The following MYT1L variants were observed in gnomAD, a reference collection of about 807,000 sequenced individuals.
MYT1L encodes the protein myelin transcription factor 1-like protein.
Under a neutral mutation model 126.7 loss-of-function variants are expected in MYT1L, and 12 were observed. The ratio of observed to expected loss-of-function variants is 0.09; its 90% CI spans 0.06 to 0.15. The LOEUF is 0.15. MYT1L is among the 10% of genes least tolerant of loss of function. The probability of loss-of-function intolerance (pLI) is 1.00; values close to 1 mark genes in which losing one functional copy is unlikely to be tolerated. For synonymous variants in MYT1L, 541 were observed against 604.2 expected, an observed-to-expected ratio of 0.90 and a Z score of 1.53; for missense variants, 979 against 1,585.2, an observed-to-expected ratio of 0.62 and a Z score of 6.49.
Position 1,903,221 on chromosome 2 carries a change from G to A in MYT1L, c.1891C>T (p.Arg631Cys), listed in dbSNP as rs778495328. The A allele has an allele frequency of 1.2e-6, 2 of 1,613,982 alleles. No individual in the cohort carries two copies. Among genetic ancestry groups the A allele is most frequent in the East Asian group, 2.2e-5 (1 of 44,880 alleles). ...TCGAGCTCCTTGGCCAGGTTGGAACGCGGCGTAGTTGTGGGGACATTGTTT... is the reference window on the plus strand; with the variant it reads ...TCGAGCTCCTTGGCCAGGTTGGAACACGGCGTAGTTGTGGGGACATTGTTT... The part of the protein sequence containing the change: ...YRNNVPTTTP[R>C]SNLAKELEKY... The change falls in exon 14 of 25, where the codon CGT (arginine) becomes TGT (cysteine). Residue 631 changes from arginine to cysteine, a missense_variant. Physicochemically the swap from Arg to Cys is radical, Grantham distance 180 (BLOSUM62 -3). Transcript: ENST00000647738.
chr2:2,095,630 A>G (rs2077369222), intron 3 of MYT1L, among the ~76,000 whole-genome samples: 1 of 152,008 alleles, frequency 6.6e-6, no homozygotes, highest in Admixed American at 6.5e-5. Flanking sequence ...AGAGGAGAGC[A>G]GTCGTTTTCC....
intron 23 of MYT1L, among the ~76,000 whole-genome samples, chr2:1,796,925 C>T (rs1033438490): frequency 1.4e-4 from 22 of 152,276 alleles, no homozygotes; most frequent in Admixed American, 5.2e-4. Context: ...TCCTCCTCAG[C>T]GGCAGTTTTG....
At chr2:2,067,231 A>G (rs768442530) in intron 3 of MYT1L, among the ~76,000 whole-genome samples, 44 of 152,246 alleles carry the variant, frequency 2.9e-4, no homozygotes, top group Non-Finnish European at 5.7e-4. Flanking sequence ...CTTGGGATAC[A>G]GAAATTAATC....
chr2:1,938,527 A>G (rs1402161579), intron 9 of MYT1L, among the ~76,000 whole-genome samples: 2 of 152,236 alleles, frequency 1.3e-5, no homozygotes, highest in Non-Finnish European at 2.9e-5. Context: ...TTAATTAAAT[A>G]TGAACTTAAT....
chr2:2,098,594 A>G (rs74364430), intron 3 of MYT1L, among the ~76,000 whole-genome samples: 2,374 of 152,266 alleles, frequency 0.016, 58 homozygotes, highest in African/African-American at 0.054. Flanking sequence ...CAGCAGGTGG[A>G]GGCCAGGGGT....
At chr2:2,025,798 G>T (rs1452317967) in intron 4 of MYT1L, among the ~76,000 whole-genome samples, 1 of 152,084 alleles carries the variant, frequency 6.6e-6, no homozygotes, top group Non-Finnish European at 1.5e-5. Flanking sequence ...GTCACCCCCA[G>T]CTCCCAAACC....
chr2:2,049,750 A>G (rs1484047489), intron 4 of MYT1L, among the ~76,000 whole-genome samples: 1 of 152,128 alleles, frequency 6.6e-6, no homozygotes, highest in African/African-American at 2.4e-5. Flanking sequence ...TGATGGTTTT[A>G]TAAGAGGTTT....
chr2:1,885,638 C>G (rs1453583128), intron 18 of MYT1L: 3 of 152,464 alleles, frequency 2.0e-5, no homozygotes, highest in Non-Finnish European at 4.4e-5. Flanking sequence ...TTATCTTTGC[C>G]TGGATAACGC....
chr2:2,188,300 C>T (rs577673948), intron 2 of MYT1L, among the ~76,000 whole-genome samples: 1 of 152,236 alleles, frequency 6.6e-6, no homozygotes, highest in East Asian at 1.9e-4. Context: ...ATTCTAAAAA[C>T]GATTCTGCTA....
intron 2 of MYT1L, among the ~76,000 whole-genome samples, chr2:2,260,955 C>G (rs2094949127): frequency 6.6e-6 from 1 of 152,202 alleles, no homozygotes; most frequent in Admixed American, 6.5e-5. Context: ...CTGAAACACA[C>G]TACTCTCAGG....
chr2:1,807,199 C>T (rs868303493), intron 22 of MYT1L, among the ~76,000 whole-genome samples: 3 of 152,230 alleles, frequency 2.0e-5, no homozygotes, highest in African/African-American at 4.8e-5. Flanking sequence ...AGCTGATGAC[C>T]TTTCTGGTGA....
intron 2 of MYT1L, among the ~76,000 whole-genome samples, chr2:2,236,089 T>C (rs1230829299): frequency 2.9e-4 from 39 of 132,702 alleles, no homozygotes; most frequent in South Asian, 1.9e-3. Flanking sequence ...CAACCCAGTA[T>C]GTCACAACCC....
chr2:1,986,332 G>A (rs569788997), intron 5 of MYT1L, among the ~76,000 whole-genome samples: 9 of 152,254 alleles, frequency 5.9e-5, no homozygotes, highest in East Asian at 1.9e-4. Context: ...CTGGTCAGGC[G>A]GCCTGGGATC....
chr2:2,157,034 C>T (rs1400401503), intron 3 of MYT1L, among the ~76,000 whole-genome samples: 1 of 152,200 alleles, frequency 6.6e-6, no homozygotes, highest in Non-Finnish European at 1.5e-5. Context: ...GACCATGTTA[C>T]AATGGGTTCG....
intron 1 of MYT1L, among the ~76,000 whole-genome samples, chr2:2,302,445 C>G (rs773410683): frequency 6.6e-6 from 1 of 152,144 alleles, no homozygotes; most frequent in African/African-American, 2.4e-5. Context: ...TGTGGGGCCA[C>G]TTTTCCTTTG....
chr2:1,902,862 G>C, intron 14 of MYT1L: 1 of 564,476 alleles, frequency 1.8e-6, no homozygotes, highest in Non-Finnish European at 3.2e-6. Context: ...AATTATTGAG[G>C]GGAAACCATC....
At chr2:2,072,942 A>G (rs899560276) in intron 3 of MYT1L, among the ~76,000 whole-genome samples, 2 of 152,142 alleles carry the variant, frequency 1.3e-5, no homozygotes, top group African/African-American at 2.4e-5. Flanking sequence ...AAATGGACCA[A>G]TGCAAACTCC....
At chr2:1,875,838 G>A (rs2148747013) in intron 18 of MYT1L, among the ~76,000 whole-genome samples, 1 of 152,294 alleles carries the variant, frequency 6.6e-6, no homozygotes, top group Non-Finnish European at 1.5e-5. Flanking sequence ...TTAACTCGCT[G>A]CTCCCTCTCC....
intron 2 of MYT1L, among the ~76,000 whole-genome samples, chr2:2,220,081 G>C (rs905579431): frequency 5.9e-5 from 9 of 152,072 alleles, no homozygotes; most frequent in Non-Finnish European, 1.0e-4. Flanking sequence ...GGAAAGGAAA[G>C]GGTGAAATTT....
Sources: gnomAD v4.1 joint callset for allele counts (sites outside exome capture counted in the v4.1 genomes callset) on GRCh38, gnomAD v4.1.1 for gene constraint, MANE v1.5 for transcripts, NCBI Gene and HGNC (gene_info 2026-07-23, HGNC 2026-07-21) for gene names.